Variants in FAM107B observed in about 807,000 individuals in gnomAD.
FAM107B encodes family with sequence similarity 107 member B, also known as protein FAM107B.
FAM107B carries 21 observed loss-of-function variants against 31.5 expected under a neutral mutation model. That is an observed-to-expected ratio of 0.67 (90% CI 0.47 to 0.96). The LOEUF is 0.96. Among genes scored for constraint, FAM107B ranks in the 40% least tolerant of loss-of-function variants. The pLI, the probability that FAM107B is intolerant of heterozygous loss-of-function variation, is 0.00. For missense variants in FAM107B, 452 were observed against 377.1 expected, an observed-to-expected ratio of 1.20 and a Z score of -1.64; for synonymous variants, 157 against 141.5, an observed-to-expected ratio of 1.11 and a Z score of -0.78.
intron 1 of FAM107B, among the ~76,000 whole-genome samples, chr10:14,670,320 T>C (rs1854510242): frequency 6.6e-6 from 1 of 152,226 alleles, no homozygotes; most frequent in African/African-American, 2.4e-5. Context: ...TTATCTCAAA[T>C]GTATGTGTTG....
intron 1 of FAM107B, among the ~76,000 whole-genome samples, chr10:14,702,061 G>C (rs1398961743): frequency 1.3e-5 from 2 of 152,244 alleles, no homozygotes; most frequent in African/African-American, 4.8e-5. Flanking sequence ...TTCAGATGAA[G>C]AGCAGGGAAT....
In FAM107B at chr10:14,519,636, TG is replaced by T. The variant is rs1845444174; in HGVS notation, c.*1553del. The T allele has an allele frequency of 1.3e-5, 2 of 152,274 alleles. No individual in the cohort carries two copies. The allele number at this position is 152,274 out of a possible 1,614,324, so 9.4% of individuals were successfully genotyped here. On this transcript the variant is annotated 3_prime_UTR_variant, in exon 5 of 5. Transcript: ENST00000181796. ...AGTATATTATCATTGCATTTACTTT[TG>T]TTCCCATTCAGATTGAATATGGGCC... is the stretch of plus-strand genomic sequence containing the variant.
chr10:14,603,154 A>G (rs1304278818), intron 2 of FAM107B, among the ~76,000 whole-genome samples: 1 of 152,150 alleles, frequency 6.6e-6, no homozygotes, highest in Non-Finnish European at 1.5e-5. Flanking sequence ...TTAATATATA[A>G]AATTTTCTCA....
chr10:14,634,386 C>T (rs991622560), intron 2 of FAM107B, among the ~76,000 whole-genome samples: 5 of 139,054 alleles, frequency 3.6e-5, no homozygotes, highest in Admixed American at 7.5e-5. Flanking sequence ...GACCACAGAG[C>T]GAGACTCTGT....
chr10:14,593,083 G>T (rs189888129), intron 2 of FAM107B, among the ~76,000 whole-genome samples: 55 of 152,208 alleles, frequency 3.6e-4, no homozygotes, highest in South Asian at 1.7e-3. Flanking sequence ...AGACTTCCCT[G>T]GGGTCCTACC....
chr10:14,737,324 T>C (rs1026203577), intron 1 of FAM107B, among the ~76,000 whole-genome samples: 35 of 151,772 alleles, frequency 2.3e-4, no homozygotes, highest in African/African-American at 7.7e-4. Context: ...TTCCTCTCCA[T>C]AGAAAAAACA....
At chr10:14,566,939 C>G (rs1224718142) in intron 2 of FAM107B, among the ~76,000 whole-genome samples, 1 of 152,154 alleles carries the variant, frequency 6.6e-6, no homozygotes, top group Non-Finnish European at 1.5e-5. Context: ...AACACAAGGT[C>G]AGGAGATGGA....
At chr10:14,609,018 T>C (rs112704532) in intron 2 of FAM107B, among the ~76,000 whole-genome samples, 1,940 of 152,326 alleles carry the variant, frequency 0.013, 42 homozygotes, top group African/African-American at 0.044. Flanking sequence ...CAAAGACAGA[T>C]ACAATACATT....
chr10:14,617,911 C>A (rs1852895270), intron 2 of FAM107B, among the ~76,000 whole-genome samples: 2 of 152,098 alleles, frequency 1.3e-5, no homozygotes, highest in South Asian at 4.1e-4. Context: ...CGTGAAGCAC[C>A]AAACCCAGCT....
intron 2 of FAM107B, among the ~76,000 whole-genome samples, chr10:14,667,187 C>T (rs1003768656): frequency 2.0e-5 from 3 of 152,062 alleles, no homozygotes; most frequent in Non-Finnish European, 2.9e-5. Context: ...ACTCATAGGG[C>T]GTCCTATTGT....
intron 2 of FAM107B, among the ~76,000 whole-genome samples, chr10:14,626,273 T>C (rs897704395): frequency 9.2e-5 from 14 of 152,272 alleles, no homozygotes; most frequent in Non-Finnish European, 2.1e-4. Context: ...GTCTTCAATA[T>C]ACGATTCATC....
At chr10:14,707,112 CAA>C (rs1855538463) in intron 1 of FAM107B, among the ~76,000 whole-genome samples, 1 of 151,380 alleles carries the variant, frequency 6.6e-6, no homozygotes. Flanking sequence ...GGCGACAGAG[CAA>C]GACTCTGTCT....
chr10:14,765,533 A>G (rs1833144701), intron 1 of FAM107B, among the ~76,000 whole-genome samples: 1 of 152,212 alleles, frequency 6.6e-6, no homozygotes, highest in African/African-American at 2.4e-5. Context: ...GAAAGTAGAA[A>G]GCTGGCATAA....
At chr10:14,766,669 T>C (rs74124705) in intron 1 of FAM107B, among the ~76,000 whole-genome samples, 6,056 of 152,024 alleles carry the variant, frequency 0.04, 369 homozygotes, top group African/African-American at 0.13. Flanking sequence ...TAGTACTCAT[T>C]TGATGATCAA....
intron 2 of FAM107B, among the ~76,000 whole-genome samples, chr10:14,617,192 C>T (rs958445631): frequency 5.3e-5 from 8 of 152,088 alleles, no homozygotes; most frequent in African/African-American, 1.7e-4. Flanking sequence ...GATCATGCCC[C>T]GGTTTTCACT....
chr10:14,591,901 C>T (rs965505826), intron 2 of FAM107B, among the ~76,000 whole-genome samples: 1 of 151,344 alleles, frequency 6.6e-6, no homozygotes, highest in African/African-American at 2.4e-5. Context: ...GAACATTCTA[C>T]GGAACAAGTG....
At chr10:14,524,087 G>C (rs954905267) in intron 3 of FAM107B, among the ~76,000 whole-genome samples, 1 of 150,430 alleles carries the variant, frequency 6.6e-6, no homozygotes, top group Non-Finnish European at 1.5e-5. Flanking sequence ...TGTTGCCCAG[G>C]ATGGAGTGCA....
intron 2 of FAM107B, chr10:14,604,114 A>ACCCCCCCCCCCCCCCGCC: frequency 2.9e-6 from 1 of 340,936 alleles, no homozygotes; most frequent in Non-Finnish European, 3.9e-6. Flanking sequence ...GCGCACGGGG[A>ACCCCCCCCCCCCCCCGCC]CCCCCCACCC....
chr10:14,766,007 C>A (rs1449419183), intron 1 of FAM107B, among the ~76,000 whole-genome samples: 1 of 152,162 alleles, frequency 6.6e-6, no homozygotes, highest in African/African-American at 2.4e-5. Context: ...GGCTTCCAAG[C>A]AGCACTGACA....
Sources: gnomAD v4.1 joint callset for allele counts (sites outside exome capture counted in the v4.1 genomes callset) on GRCh38, gnomAD v4.1.1 for gene constraint, MANE v1.5 for transcripts, NCBI Gene and HGNC (gene_info 2026-07-23, HGNC 2026-07-21) for gene names.